The following CDK13 variants were observed in gnomAD, a reference collection of about 807,000 sequenced individuals.
The protein encoded by CDK13 is cyclin dependent kinase 13.
CDK13 carries 40 observed loss-of-function variants against 137.6 expected under a neutral mutation model. The observed-to-expected ratio is 0.29, with a 90% CI of 0.23 to 0.38. CDK13 has a LOEUF of 0.38. CDK13 is among the 10% of genes least tolerant of loss of function. The pLI is 1.00. For synonymous variants in CDK13, 869 were observed against 760.1 expected (o/e 1.14, Z -2.36); for missense variants, 1,704 against 1,951.8 (o/e 0.87, Z 2.39).
intron 5 of CDK13, among the ~76,000 whole-genome samples, chr7:40,034,503 AG>A (rs1021391107): frequency 6.6e-6 from 1 of 152,140 alleles, no homozygotes; most frequent in African/African-American, 2.4e-5. Flanking sequence ...ACATATCTCT[AG>A]CTGCATAATA....
intron 7 of CDK13, among the ~76,000 whole-genome samples, chr7:40,060,378 CT>C (rs1364837736): frequency 6.6e-6 from 1 of 152,116 alleles, no homozygotes; most frequent in Non-Finnish European, 1.5e-5. Context: ...TCCAGTTGCA[CT>C]TTTATAACAC....
intron 1 of CDK13, among the ~76,000 whole-genome samples, chr7:39,974,047 T>C (rs1784054605): frequency 6.6e-6 from 1 of 152,196 alleles, no homozygotes; most frequent in Non-Finnish European, 1.5e-5. Context: ...TTTTTTAAGA[T>C]TGTTTTGACT....
Position 39,988,213 on chromosome 7 carries a change from C to G in CDK13, c.1826C>G (p.Pro609Arg), listed in dbSNP as rs200341630. Reference sequence around the variant, plus strand: ...GCTTTAGTCACCTCTACATTACCACCGTTACCTTTGCCTCCCATGCTGCCT... The same window carrying G: ...GCTTTAGTCACCTCTACATTACCACGGTTACCTTTGCCTCCCATGCTGCCT... ...HVALVTSTLP[P>R]LPLPPMLPED... Residue 609 changes from proline (P) to arginine (R), a missense_variant, in exon 2 of 14, where the codon CCG (proline) becomes CGG (arginine). Physicochemically the swap from Pro to Arg is moderately radical, Grantham distance 103 (BLOSUM62 -2). Around this residue, in one of 5 missense-constraint regions of CDK13, gnomAD observed 1,051 missense variants for 931.0 expected, o/e 1.13. Transcript: ENST00000181839. The G allele has an allele frequency of 1.9e-6, 3 of 1,611,918 alleles. No homozygotes were observed. The highest frequency in any genetic ancestry group is 1.7e-6 in the Non-Finnish European group (2 of 1,179,492).
intron 5 of CDK13, among the ~76,000 whole-genome samples, chr7:40,012,221 G>C (rs754074622): frequency 1.3e-5 from 2 of 152,162 alleles, no homozygotes; most frequent in Non-Finnish European, 2.9e-5. Context: ...AGAGTACAAT[G>C]GTGCAGTTGC....
In CDK13 at chr7:40,094,393, G is replaced by C; in HGVS notation, c.3952G>C (p.Glu1318Gln). 6.2e-7 allele frequency: 1 copy of C among 1,614,070 alleles called. No homozygotes were observed. Among genetic ancestry groups the C allele is most frequent in the Non-Finnish European group, 8.5e-7 (1 of 1,180,020 alleles). Residue 1318 changes from glutamate (E) to glutamine (Q), a missense_variant, in exon 14 of 14, where the codon GAA becomes CAA. By Grantham distance (29) the Glu-to-Gln change is conservative (BLOSUM62 2). This residue lies in a region of CDK13 where 475 missense variants were observed against 579.3 expected (regional missense o/e 0.82). Coordinates refer to ENST00000181839, the MANE Select transcript of CDK13 (RefSeq NM_003718.5). Reference sequence around the variant, plus strand: ...TCAGCCCCAGGATGACCCCAAAAGAGAAGGTGGGATTGATTATCAAGCAGG... The same window carrying C: ...TCAGCCCCAGGATGACCCCAAAAGACAAGGTGGGATTGATTATCAAGCAGG... ...QHQPQDDPKR[E>Q]GGIDYQAGDT...
intron 4 of CDK13, 75 bp downstream of exon 4, chr7:39,999,575 C>A: frequency 7.1e-7 from 1 of 1,414,672 alleles, no homozygotes; most frequent in Non-Finnish European, 9.5e-7. Context: ...TGATGTTTGG[C>A]TTCAGAAATT....
At chr7:40,025,468 C>T (rs1785224255) in intron 5 of CDK13, among the ~76,000 whole-genome samples, 1 of 151,718 alleles carries the variant, frequency 6.6e-6, no homozygotes, top group African/African-American at 2.4e-5. Context: ...TTTTTTGATC[C>T]ACTTTCACCA....
At chr7:40,081,682 C>T (rs1055344452) in intron 11 of CDK13, among the ~76,000 whole-genome samples, 7 of 152,010 alleles carry the variant, frequency 4.6e-5, no homozygotes, top group Admixed American at 4.6e-4. Context: ...ATGAATATTT[C>T]CTTATTTATT....
chr7:40,042,521 C>G (rs549278212), intron 5 of CDK13, among the ~76,000 whole-genome samples: 2 of 134,384 alleles, frequency 1.5e-5, no homozygotes, highest in African/African-American at 5.7e-5. Flanking sequence ...CTCTATCACC[C>G]GGGCTGGAGT....
intron 9 of CDK13, among the ~76,000 whole-genome samples, chr7:40,073,413 G>A (rs1040310150): frequency 3.9e-5 from 6 of 152,058 alleles, no homozygotes; most frequent in African/African-American, 1.2e-4. Context: ...GCTGAGATGG[G>A]AGGATTGCTG....
At chr7:40,044,827 G>A (rs1785699804) in intron 5 of CDK13, among the ~76,000 whole-genome samples, 1 of 151,898 alleles carries the variant, frequency 6.6e-6, no homozygotes, top group Admixed American at 6.6e-5. Context: ...TATTAGAGAC[G>A]GGGTTTCACT....
intron 5 of CDK13, among the ~76,000 whole-genome samples, chr7:40,033,671 C>T (rs1325543605): frequency 3.3e-5 from 5 of 152,054 alleles, no homozygotes; most frequent in Non-Finnish European, 5.9e-5. Flanking sequence ...TAAATAAGGT[C>T]TGAGGTGTGC....
Position 40,092,797 on chromosome 7 carries a change from C to G in CDK13, c.3248C>G (p.Pro1083Arg), listed in dbSNP as rs375191394. 15 of 1,613,492 alleles carry G rather than the reference C, an allele frequency of 9.3e-6. No homozygotes were observed. Among genetic ancestry groups the G allele is most frequent in the Non-Finnish European group, 1.3e-5 (15 of 1,179,706 alleles). ...SSNVAPVKTG[P>R]GQHLNHSELA... ...ATTTTGTCTTTAGTAAAAACAGGCC[C>G]TGGACAGCACTTAAACCACAGTGAA... is the stretch of plus-strand genomic sequence containing the variant. Residue 1083 changes from proline (P) to arginine (R), a missense_variant, in exon 13 of 14, where the codon CCT (proline) becomes CGT (arginine). Physicochemically the swap from Pro to Arg is moderately radical, Grantham distance 103. Around this residue, in one of 5 missense-constraint regions of CDK13, gnomAD observed 475 missense variants for 579.3 expected, o/e 0.82. Coordinates refer to ENST00000181839, the MANE Select transcript of CDK13 (RefSeq NM_003718.5).
chr7:40,083,150 AT>A (rs1562765472), intron 11 of CDK13, among the ~76,000 whole-genome samples: 1 of 150,660 alleles, frequency 6.6e-6, no homozygotes, highest in Non-Finnish European at 1.5e-5. Context: ...AGGTGTTAAG[AT>A]TCTTTCTCCT....
At chr7:39,975,867 A>C (rs954698989) in intron 1 of CDK13, among the ~76,000 whole-genome samples, 13 of 152,244 alleles carry the variant, frequency 8.5e-5, no homozygotes, top group Non-Finnish European at 1.8e-4. Context: ...AAACCACTAC[A>C]GAGTTTTAAG....
At chr7:39,955,020 G>T (rs1787366303) in intron 1 of CDK13, among the ~76,000 whole-genome samples, 1 of 152,026 alleles carries the variant, frequency 6.6e-6, no homozygotes, top group Admixed American at 6.6e-5. Context: ...TCAGTCCTCG[G>T]CTCATGCATT....
At chr7:39,999,564 C>G (rs181490488) in intron 4 of CDK13, 64 bp downstream of exon 4, 3 of 1,457,700 alleles carry the variant, frequency 2.1e-6, no homozygotes, top group Non-Finnish European at 2.8e-6. Flanking sequence ...TGTTTCTCTT[C>G]TGATGTTTGG....
At chr7:40,051,504 G>T (rs569385418) in intron 7 of CDK13, among the ~76,000 whole-genome samples, 1 of 152,274 alleles carries the variant, frequency 6.6e-6, no homozygotes, top group South Asian at 2.1e-4. Flanking sequence ...TAAACAGAGA[G>T]CCAGGTAGGG....
At chr7:40,052,326 G>T (rs1337569136) in intron 7 of CDK13, among the ~76,000 whole-genome samples, 1 of 152,036 alleles carries the variant, frequency 6.6e-6, no homozygotes, top group Non-Finnish European at 1.5e-5. Context: ...ACAGGCACCT[G>T]CCACCACGCC....
Sources: gnomAD v4.1 joint callset for allele counts (sites outside exome capture counted in the v4.1 genomes callset) on GRCh38, gnomAD v4.1.1 for gene constraint, gnomAD v4.1.1 regional missense constraint, MANE v1.5 for transcripts, NCBI Gene and HGNC (gene_info 2026-07-23, HGNC 2026-07-21) for gene names.